The following ZNF148 variants were observed in gnomAD, a reference collection of about 807,000 sequenced individuals.
The protein encoded by ZNF148 is zinc finger protein 148.
ZNF148 carries 7 observed loss-of-function variants against 67.7 expected under a neutral mutation model. The observed-to-expected ratio is 0.10, with a 90% CI of 0.06 to 0.19. The LOEUF (loss-of-function observed/expected upper bound fraction) is 0.19, where lower values mean the gene tolerates loss of function less well. Ranked by LOEUF, ZNF148 falls within the 10% of genes least tolerant of loss-of-function variation. ZNF148 has a pLI of 1.00. For synonymous variants in ZNF148, 333 were observed against 330.7 expected (o/e 1.01, Z -0.08); for missense variants, 583 against 947.1 (o/e 0.62, Z 5.05).
intron 6 of ZNF148, among the ~76,000 whole-genome samples, chr3:125,278,433 C>CGA (rs1274867339): frequency 2.0e-5 from 3 of 152,144 alleles, no homozygotes; most frequent in African/African-American, 7.2e-5. Context: ...GTAGTCTACT[C>CGA]TAAGTCAAAT....
chr3:125,231,276 G>A lies in ZNF148; in HGVS notation c.*1065C>T, dbSNP rs1197512518. ...GAAAAAGATTAAACCAGGTTTTACA[G>A]TTCCAAAGATATCCCAATTTCCTTT... On this transcript the variant is annotated 3_prime_UTR_variant, in exon 9 of 9. Coordinates refer to ENST00000360647, the MANE Select transcript of ZNF148 (RefSeq NM_021964.3). The A allele has an allele frequency of 1.3e-5, 2 of 152,420 alleles. No individual in the cohort carries two copies. The highest frequency in any genetic ancestry group is 4.8e-5 in the African/African-American group (2 of 41,410). The allele number at this position is 152,420 out of a possible 1,614,324, so 9.4% of individuals were successfully genotyped here.
intron 4 of ZNF148, among the ~76,000 whole-genome samples, chr3:125,305,119 T>C (rs1247362274): frequency 6.6e-6 from 1 of 152,180 alleles, no homozygotes; most frequent in Non-Finnish European, 1.5e-5. Flanking sequence ...GGAATAACTT[T>C]ATAGCAGCAA....
chr3:125,320,301 C>A (rs1292086913), intron 3 of ZNF148, among the ~76,000 whole-genome samples: 1 of 151,898 alleles, frequency 6.6e-6, no homozygotes, highest in Non-Finnish European at 1.5e-5. Context: ...ACACCTGTAT[C>A]AAAAAAAGAG....
chr3:125,315,240 C>T (rs6767136), intron 3 of ZNF148, among the ~76,000 whole-genome samples: 118,126 of 152,062 alleles, frequency 0.78, 46,482 homozygotes, highest in African/African-American at 0.87. Context: ...TAAGAATCAA[C>T]TGGTGAAAAG....
At chr3:125,253,091 T>C (rs1021977866) in intron 7 of ZNF148, among the ~76,000 whole-genome samples, 1 of 152,210 alleles carries the variant, frequency 6.6e-6, no homozygotes, top group African/African-American at 2.4e-5. Context: ...TTGCATTTAA[T>C]TCATAGATCA....
intron 1 of ZNF148, among the ~76,000 whole-genome samples, chr3:125,366,429 T>C (rs1942705371): frequency 6.6e-6 from 1 of 152,242 alleles, no homozygotes; most frequent in Non-Finnish European, 1.5e-5. Context: ...TATACCTTAT[T>C]CATGAACTCT....
chr3:125,248,862 G>A (rs1020136866), intron 7 of ZNF148, among the ~76,000 whole-genome samples: 1 of 152,114 alleles, frequency 6.6e-6, no homozygotes. Context: ...GAATAAACAA[G>A]CACTACAGGT....
intron 1 of ZNF148, among the ~76,000 whole-genome samples, chr3:125,335,488 A>C (rs975222807): frequency 6.6e-6 from 1 of 152,238 alleles, no homozygotes; most frequent in Non-Finnish European, 1.5e-5. Flanking sequence ...TTCCAGAAAA[A>C]GACTTGACTG....
chr3:125,350,191 ACT>A (rs1942091409), intron 1 of ZNF148, among the ~76,000 whole-genome samples: 1 of 151,914 alleles, frequency 6.6e-6, no homozygotes, highest in Non-Finnish European at 1.5e-5. Context: ...ACAGAGTCTC[ACT>A]CTGTCACCCA....
At chr3:125,288,394 A>G (rs1938820502) in intron 4 of ZNF148, among the ~76,000 whole-genome samples, 166 bp from the exon 5 acceptor site, 1 of 152,060 alleles carries the variant, frequency 6.6e-6, no homozygotes, top group East Asian at 1.9e-4. Flanking sequence ...ATTCATTAAT[A>G]GGCAGTGGGT....
intron 3 of ZNF148, among the ~76,000 whole-genome samples, chr3:125,317,658 T>TAGAGAG (rs796905351): frequency 0.018 from 501 of 27,970 alleles, 2 homozygotes; most frequent in African/African-American, 0.051. Context: ...TATATATATA[T>TAGAGAG]ATATAGAGAG....
At chr3:125,313,110 GAAAT>G (rs1392445313) in intron 4 of ZNF148, among the ~76,000 whole-genome samples, 194 bp downstream of exon 4, 3 of 152,104 alleles carry the variant, frequency 2.0e-5, no homozygotes, top group Non-Finnish European at 4.4e-5. Flanking sequence ...TATCCTGAAA[GAAAT>G]AAGCTTCTAA....
chr3:125,333,856 C>G (rs1941389349), intron 1 of ZNF148, among the ~76,000 whole-genome samples: 1 of 152,180 alleles, frequency 6.6e-6, no homozygotes, highest in Non-Finnish European at 1.5e-5. Flanking sequence ...ATGCCTTCTG[C>G]ATCATCATAA....
At chr3:125,373,014 T>C (rs1942941362) in intron 1 of ZNF148, among the ~76,000 whole-genome samples, 1 of 151,788 alleles carries the variant, frequency 6.6e-6, no homozygotes, top group Non-Finnish European at 1.5e-5. Context: ...AGAAAGACAA[T>C]AATGACATAT....
At chr3:125,279,013 T>C (rs1938224824) in intron 6 of ZNF148, 111 bp downstream of exon 6, 2 of 1,176,984 alleles carry the variant, frequency 1.7e-6, no homozygotes, top group Non-Finnish European at 2.3e-6. Flanking sequence ...ATCTCTGATT[T>C]GGAATGCCAG....
At chr3:125,238,324 C>T (rs1483426414) in intron 7 of ZNF148, among the ~76,000 whole-genome samples, 1 of 152,052 alleles carries the variant, frequency 6.6e-6, no homozygotes, top group Admixed American at 6.6e-5. Context: ...TCAAAGGACA[C>T]TATCAAAAAA....
intron 7 of ZNF148, among the ~76,000 whole-genome samples, chr3:125,260,071 TTA>T (rs1408811161): frequency 6.6e-6 from 1 of 152,094 alleles, no homozygotes; most frequent in Non-Finnish European, 1.5e-5. Context: ...CACACAACAC[TTA>T]TCGATTAAGT....
chr3:125,291,935 T>C (rs527406672), intron 4 of ZNF148, among the ~76,000 whole-genome samples: 1 of 152,260 alleles, frequency 6.6e-6, no homozygotes, highest in Admixed American at 6.5e-5. Context: ...GTATAACTAG[T>C]TTAAATGTAA....
Position 125,323,393 on chromosome 3 carries a change from A to G in ZNF148, c.-101T>C. Reference sequence around the variant, plus strand: ...AATCATGGTTGAGTTTCTACCTTTCATAGGCTTCAGAAATCCTCAATACCA... The same window carrying G: ...AATCATGGTTGAGTTTCTACCTTTCGTAGGCTTCAGAAATCCTCAATACCA... On this transcript the variant is annotated 5_prime_UTR_variant, in exon 3 of 9. The change abolishes an upstream ATG in the 5' untranslated region. Coordinates refer to ENST00000360647, the MANE Select transcript of ZNF148 (RefSeq NM_021964.3). 1 of 697,380 alleles carries G rather than the reference A, an allele frequency of 1.4e-6. No individual in the cohort carries two copies. The allele number at this position is 697,380 out of a possible 1,614,324, so 43.2% of individuals were successfully genotyped here.
Sources: gnomAD v4.1 joint callset for allele counts (sites outside exome capture counted in the v4.1 genomes callset) on GRCh38, gnomAD v4.1.1 for gene constraint, MANE v1.5 for transcripts, NCBI Gene and HGNC (gene_info 2026-07-23, HGNC 2026-07-21) for gene names.